The following GPR158 variants were observed in gnomAD, a reference collection of about 807,000 sequenced individuals.
GPR158 encodes G protein-coupled receptor 158, also known as metabotropic glycine receptor.
Under a neutral mutation model 78.2 loss-of-function variants are expected in GPR158, and 30 were observed. The observed-to-expected ratio is 0.38, with a 90% CI of 0.29 to 0.52. The LOEUF (loss-of-function observed/expected upper bound fraction) is 0.52, where lower values mean the gene tolerates loss of function less well. Among genes scored for constraint, GPR158 ranks in the 20% least tolerant of loss-of-function variants. The pLI is 0.83. For missense variants in GPR158, 1,463 were observed against 1,523.5 expected (o/e 0.96, Z 0.66); for synonymous variants, 581 against 591.1 (o/e 0.98, Z 0.25).
intron 5 of GPR158, among the ~76,000 whole-genome samples, chr10:25,503,604 T>C (rs1474226917): frequency 1.3e-5 from 2 of 152,188 alleles, no homozygotes; most frequent in Non-Finnish European, 2.9e-5. Flanking sequence ...GGGTATATTA[T>C]TCCTTACCAG....
At position 25,262,217 on chromosome 10, in the gene GPR158, G is replaced by T. The variant is rs190161356; in HGVS notation, c.1008+41060G>T. 2.0e-5 allele frequency among the ~76,000 whole-genome samples: 3 copies of T among 152,244 alleles called. No homozygotes were observed. In the East Asian group the frequency reaches 5.8e-4, roughly 29 times the overall value. On this transcript the variant is annotated intron_variant, in intron 2 of 10. Transcript: ENST00000376351. ...AATGATAGACTTCTCTTGACTTAGT[G>T]GGGAGAGTGGAGGTCTGGAATGCTT... is the stretch of plus-strand genomic sequence containing the variant.
At chr10:25,439,538 A>G (rs1216600570) in intron 4 of GPR158, among the ~76,000 whole-genome samples, 1 of 152,016 alleles carries the variant, frequency 6.6e-6, no homozygotes, top group African/African-American at 2.4e-5. Flanking sequence ...ATCTCTCACT[A>G]CCTTACCCAT....
intron 2 of GPR158, among the ~76,000 whole-genome samples, chr10:25,273,592 C>T (rs16925530): frequency 0.016 from 2,472 of 152,216 alleles, 61 homozygotes; most frequent in African/African-American, 0.057. Context: ...ATGACTTTAA[C>T]TTCTTAGGGA....
At chr10:25,319,825 C>CG (rs995435815) in intron 2 of GPR158, among the ~76,000 whole-genome samples, 10 of 139,604 alleles carry the variant, frequency 7.2e-5, no homozygotes, top group Non-Finnish European at 1.5e-4. Flanking sequence ...ACACCCCACC[C>CG]CCCCCAAAAA....
chr10:25,185,559 C>T (rs377146628), intron 1 of GPR158, among the ~76,000 whole-genome samples: 2 of 152,168 alleles, frequency 1.3e-5, no homozygotes, highest in Non-Finnish European at 2.9e-5. Context: ...TGTGGTGGCT[C>T]ACGCCTGTAA....
intron 5 of GPR158, among the ~76,000 whole-genome samples, chr10:25,545,123 TG>T (rs1836644607): frequency 6.6e-6 from 1 of 152,210 alleles, no homozygotes; most frequent in South Asian, 2.1e-4. Flanking sequence ...GCATTTGGGT[TG>T]GTTGCAAGTC....
At chr10:25,306,611 T>G (rs112569740) in intron 2 of GPR158, among the ~76,000 whole-genome samples, 3 of 152,322 alleles carry the variant, frequency 2.0e-5, no homozygotes, top group Admixed American at 6.5e-5. Context: ...TGTTTTCATA[T>G]CTTTCCATAT....
At chr10:25,394,639 A>T (rs1428679820) in intron 2 of GPR158, among the ~76,000 whole-genome samples, 1 of 152,174 alleles carries the variant, frequency 6.6e-6, no homozygotes, top group East Asian at 1.9e-4. Context: ...GCAGCATATA[A>T]ATTGGATATG....
At chr10:25,198,308 A>G (rs940471367) in intron 1 of GPR158, among the ~76,000 whole-genome samples, 2 of 152,244 alleles carry the variant, frequency 1.3e-5, no homozygotes, top group Non-Finnish European at 2.9e-5. Context: ...ACAAGAAGCC[A>G]GACAGATGGA....
intron 2 of GPR158, among the ~76,000 whole-genome samples, chr10:25,371,042 T>C (rs975007579): frequency 2.7e-5 from 4 of 147,752 alleles, no homozygotes. Flanking sequence ...TCCATCCTTT[T>C]ATTTTGAGCC....
chr10:25,219,220 C>T (rs1853263508), intron 1 of GPR158, among the ~76,000 whole-genome samples: 1 of 152,172 alleles, frequency 6.6e-6, no homozygotes, highest in Non-Finnish European at 1.5e-5. Flanking sequence ...AATTTAGCAT[C>T]TACTGTCCAT....
At position 25,175,538 on chromosome 10, in the gene GPR158, C is replaced by G; in HGVS notation, c.118C>G (p.Pro40Ala). The G allele has an allele frequency of 6.2e-7, 1 of 1,612,094 alleles. No homozygotes were observed. Among genetic ancestry groups the G allele is most frequent in the Non-Finnish European group, 8.5e-7 (1 of 1,179,896 alleles). ...GCCGGATTCCCCTCGAGAGAGGACC[C>G]CGAAGGGGAAGCCGCACGCCCAGCA... ...GRPDSPRERTPKGKPHAQQPG... is the reference protein window; with the variant it reads ...GRPDSPRERTAKGKPHAQQPG... The change falls in exon 1 of 11, where the codon CCG (proline) becomes GCG (alanine). Residue 40 changes from proline to alanine, a missense_variant. Physicochemically the swap from Pro to Ala is conservative, Grantham distance 27 (BLOSUM62 -1). Coordinates refer to ENST00000376351, the MANE Select transcript of GPR158 (RefSeq NM_020752.3). The surrounding 1 kb of genome is among the most constrained non-coding windows in gnomAD (Gnocchi z 6.4).
intron 2 of GPR158, among the ~76,000 whole-genome samples, chr10:25,367,088 T>G (rs1257821722): frequency 1.3e-5 from 2 of 151,638 alleles, no homozygotes; most frequent in African/African-American, 2.4e-5. Flanking sequence ...AATCATGAAG[T>G]TTTTCTTCTT....
At chr10:25,588,889 C>A in intron 7 of GPR158, 118 bp from the exon 8 acceptor site, 2 of 541,858 alleles carry the variant, frequency 3.7e-6, no homozygotes, top group South Asian at 4.7e-5. Context: ...GTGAATAAGA[C>A]TTTCTAACCC....
chr10:25,304,402 A>G (rs1854638505), intron 2 of GPR158, among the ~76,000 whole-genome samples: 1 of 152,110 alleles, frequency 6.6e-6, no homozygotes. Flanking sequence ...TTTATAACAC[A>G]GTGTTTCACA....
intron 2 of GPR158, among the ~76,000 whole-genome samples, chr10:25,363,585 A>G (rs1854471): frequency 0.8 from 120,733 of 151,812 alleles, 49,004 homozygotes; most frequent in Non-Finnish European, 0.85. Flanking sequence ...GCTGGGAAAG[A>G]TTTTATAATC....
intron 1 of GPR158, among the ~76,000 whole-genome samples, chr10:25,204,162 A>G (rs947288414): frequency 3.9e-5 from 6 of 152,152 alleles, no homozygotes; most frequent in African/African-American, 1.4e-4. Context: ...GGCTGAGACA[A>G]TGGGGTTTTC....
chr10:25,529,132 T>G (rs1836390251), intron 5 of GPR158, among the ~76,000 whole-genome samples: 1 of 152,170 alleles, frequency 6.6e-6, no homozygotes, highest in African/African-American at 2.4e-5. Context: ...CTCACGCGTG[T>G]AATCCCAGCA....
rs138318544 is a variant in GPR158, at chr10:25,260,588, T to A, written c.1008+39431T>A. 1.2e-3 allele frequency among the ~76,000 whole-genome samples: 181 copies of A among 152,196 alleles called. 1 individual carries two copies. Among genetic ancestry groups the A allele is most frequent in the Admixed American group, 2.5e-3 (38 of 15,266 alleles). On this transcript the variant is annotated intron_variant, in intron 2 of 10. Transcript: ENST00000376351. ...TTGTATTATTCTTTTGGTGGGACAG[T>A]TACTATTGTTTTGTTTTGTTTTTAT...
Sources: gnomAD v4.1 joint callset for allele counts (sites outside exome capture counted in the v4.1 genomes callset) on GRCh38, gnomAD v4.1.1 for gene constraint, Gnocchi (gnomAD v3.1) non-coding constraint, MANE v1.5 for transcripts, NCBI Gene and HGNC (gene_info 2026-07-23, HGNC 2026-07-21) for gene names.